The following ZNF526 variants were observed in gnomAD, a reference collection of about 807,000 sequenced individuals.
The protein encoded by ZNF526 is zinc finger protein 526.
A neutral mutation model predicts 32.4 loss-of-function variants in ZNF526; 16 were observed. That is an observed-to-expected ratio of 0.49 (90% CI 0.33 to 0.75). The LOEUF (loss-of-function observed/expected upper bound fraction) is 0.75. Ranked by LOEUF, ZNF526 falls within the 30% of genes least tolerant of loss-of-function variation. The probability of loss-of-function intolerance (pLI) is 0.02; values close to 1 mark genes in which losing one functional copy is unlikely to be tolerated. For missense variants in ZNF526, 838 were observed against 920.7 expected (o/e 0.91, Z 1.16); for synonymous variants, 355 against 363.4 (o/e 0.98, Z 0.26).
At chr19:42,221,313 G>A (rs2036120732) in intron 1 of ZNF526, among the ~76,000 whole-genome samples, 1 of 151,674 alleles carries the variant, frequency 6.6e-6, no homozygotes, top group African/African-American at 2.4e-5. Context: ...GGGCAACATA[G>A]GGAGACCTCT....
In ZNF526 at chr19:42,225,045, G is replaced by A; in HGVS notation, c.642G>A (p.Glu214=). 6.2e-7 allele frequency: 1 copy of A among 1,614,234 alleles called. No homozygotes were observed. The highest frequency in any genetic ancestry group is 8.5e-7 in the Non-Finnish European group (1 of 1,180,032). The change falls in exon 3 of 3, where the codon GAG becomes GAA. Residue 214 remains glutamate, a synonymous_variant. Coordinates refer to ENST00000301215, the MANE Select transcript of ZNF526 (RefSeq NM_133444.3). ...TLCATPEEFL[E]HQGTHFDSLE... is the part of the protein sequence containing the mutation. ...GCGCCACCCCTGAGGAGTTCTTGGA[G>A]CATCAGGGCACCCACTTTGACTCCC...
In ZNF526 at chr19:42,225,174, C is replaced by T. The variant is rs1347945883; in HGVS notation, c.771C>T (p.Val257=). Reference sequence around the variant, plus strand: ...AGGATGAGGAGGCCATGGCAGAGGTCGGTGATGATGCTGTGGGAGGTGACG... The same window carrying T: ...AGGATGAGGAGGCCATGGCAGAGGTTGGTGATGATGCTGTGGGAGGTGACG... ...EMEDEEAMAE[V]GDDAVGGDES... Residue 257 remains valine, a synonymous_variant, in exon 3 of 3, where the codon GTC becomes GTT. Coordinates refer to ENST00000301215, the MANE Select transcript of ZNF526 (RefSeq NM_133444.3). 2 of 1,614,038 alleles carry T rather than the reference C, an allele frequency of 1.2e-6. No homozygotes were observed. The highest frequency in any genetic ancestry group is 1.7e-5 in the Admixed American group (1 of 60,004).
rs1396762834 is a variant in ZNF526 at position 42,226,155 on chromosome 19, C to A, written c.1752C>A (p.Ala584=). ...GGACTTGTGGCCGCTGGTTCCGCGCCATGGCGGGCTTGCGACTGCATCAGC... is the reference window on the plus strand; with the variant it reads ...GGACTTGTGGCCGCTGGTTCCGCGCAATGGCGGGCTTGCGACTGCATCAGC... ...YCGTCGRWFR[A]MAGLRLHQRV... The change falls in exon 3 of 3, where the codon GCC becomes GCA. Residue 584 remains alanine (A), a synonymous_variant. Transcript: ENST00000301215. 2 of 1,607,410 alleles carry A rather than the reference C, an allele frequency of 1.2e-6. No individual in the cohort carries two copies. The highest frequency in any genetic ancestry group is 1.3e-5 in the African/African-American group (1 of 75,070).
chr19:42,224,193 G>C (rs1309015117), intron 1 of ZNF526, 22 bp from the exon 2 acceptor site: 1 of 584,746 alleles, frequency 1.7e-6, no homozygotes, highest in Non-Finnish European at 3.1e-6. Context: ...AGGCTGGGCT[G>C]AGTGGTGTTT....
At chr19:42,221,990 T>C (rs769978107) in intron 1 of ZNF526, among the ~76,000 whole-genome samples, 4 of 152,072 alleles carry the variant, frequency 2.6e-5, no homozygotes, top group African/African-American at 4.8e-5. Context: ...TCACTAAATA[T>C]GTACTGTGTG....
In ZNF526 at chr19:42,225,719, CT is replaced by C; in HGVS notation, c.1317del (p.Ala440ProfsTer45). On this transcript the variant is annotated frameshift_variant, in exon 3 of 3. Transcript: ENST00000301215. LOFTEE classifies it high-confidence loss of function. ...PTPPPPPPAP[P>X]AQLPCPQCSK... is the part of the protein sequence containing the mutation. ...CCTCCACCACCACCCCCTGCCCCAC[CT>C]GCCCAGCTGCCCTGCCCACAGTGCT... 6.2e-7 allele frequency: 1 copy of C among 1,612,570 alleles called. No homozygotes were observed. Among genetic ancestry groups the C allele is most frequent in the Non-Finnish European group, 8.5e-7 (1 of 1,179,654 alleles).
In ZNF526 at chr19:42,220,382, A is replaced by T. The variant is rs2036107978; in HGVS notation, c.-114A>T. On this transcript the variant is annotated 5_prime_UTR_variant, in exon 1 of 3. Transcript: ENST00000301215. Reference sequence around the variant, plus strand: ...CGGCAGGGGCTGCAGGAGATAAGAGAAACGGGTGAGGGCGCCGCGCGGGGC... The same window carrying T: ...CGGCAGGGGCTGCAGGAGATAAGAGTAACGGGTGAGGGCGCCGCGCGGGGC... The T allele has an allele frequency of 6.5e-6, 1 of 152,696 alleles. No homozygotes were observed. Among genetic ancestry groups the T allele is most frequent in the Admixed American group, 6.5e-5 (1 of 15,278 alleles). The allele number at this position is 152,696 out of a possible 1,614,324, so 9.5% of individuals were successfully genotyped here. A position where few individuals can be genotyped will look rare whatever the true frequency, so the allele number is the denominator to read the frequency against.
chr19:42,226,076 G>A lies in ZNF526; in HGVS notation c.1673G>A (p.Arg558His), dbSNP rs201992373. ...RLHLRPVAFA[R>H]APRLPITGLY... ...CACTTGCGGCCAGTCGCCTTTGCCC[G>A]CGCCCCCCGCCTCCCCATCACTGGT... The change falls in exon 3 of 3, where the codon CGC (arginine) becomes CAC (histidine). Residue 558 changes from arginine (R) to histidine (H), a missense_variant. Coordinates refer to ENST00000301215, the MANE Select transcript of ZNF526 (RefSeq NM_133444.3). 1.7e-5 allele frequency: 27 copies of A among 1,607,002 alleles called. No homozygotes were observed. The highest frequency in any genetic ancestry group is 1.4e-4 in the South Asian group (13 of 91,086).
chr19:42,225,561 A>G lies in ZNF526; in HGVS notation c.1158A>G (p.Pro386=), dbSNP rs1424047748. 6.2e-7 allele frequency: 1 copy of G among 1,609,590 alleles called. No individual in the cohort carries two copies. Among genetic ancestry groups the G allele is most frequent in the Non-Finnish European group, 8.5e-7 (1 of 1,176,522 alleles). The change falls in exon 3 of 3, where the codon CCA becomes CCG. Residue 386 remains proline, a synonymous_variant. Coordinates refer to ENST00000301215, the MANE Select transcript of ZNF526 (RefSeq NM_133444.3). The stretch of plus-strand genomic sequence containing the variant: ...ACCGGCGGGCCCACACTGCCAACCC[A>G]TTGCATCGCTGTCGTTGCGGCAAGA... ...VAHRRAHTAN[P]LHRCRCGKTF... is the part of the protein sequence containing the mutation.
At chr19:42,223,640 C>T in intron 1 of ZNF526, among the ~76,000 whole-genome samples, 1 of 150,744 alleles carries the variant, frequency 6.6e-6, no homozygotes, top group East Asian at 1.9e-4. Context: ...GCCTCCATCT[C>T]AACAATAACA....
intron 1 of ZNF526, among the ~76,000 whole-genome samples, chr19:42,222,609 T>C (rs1490009072): frequency 6.6e-6 from 1 of 152,088 alleles, no homozygotes; most frequent in Non-Finnish European, 1.5e-5. Flanking sequence ...AGATGGGGCA[T>C]ATAGAGGGAA....
Position 42,227,627 on chromosome 19 carries a change from G to C in ZNF526, c.*1211G>C, listed in dbSNP as rs113716392. The C allele has an allele frequency of 6.6e-6, 1 of 152,296 alleles. No homozygotes were observed. Among genetic ancestry groups the C allele is most frequent in the South Asian group, 2.1e-4 (1 of 4,820 alleles). The allele number at this position is 152,296 out of a possible 1,614,324, so 9.4% of individuals were successfully genotyped here. A position where few individuals can be genotyped will look rare whatever the true frequency, so the allele number is the denominator to read the frequency against. On this transcript the variant is annotated 3_prime_UTR_variant, in exon 3 of 3. Transcript: ENST00000301215. ...CAAAAAATTAGCCAGGAGTGGTGGC[G>C]GGCGCCTGTGGTGGCCAGCTACTCA...
In ZNF526 at chr19:42,225,935, C is replaced by T. The variant is rs17850994; in HGVS notation, c.1532C>T (p.Ser511Phe). The T allele has an allele frequency of 6.2e-7, 1 of 1,614,188 alleles. No individual in the cohort carries two copies. Residue 511 changes from serine (S) to phenylalanine (F), a missense_variant, in exon 3 of 3, where the codon TCT (serine) becomes TTT (phenylalanine). Ser to Phe is a radical substitution (Grantham distance 155). Transcript: ENST00000301215. ...QCHSCGKTFA[S>F]LANLSRHQLT... ...CACTCATGTGGCAAGACCTTTGCTT[C>T]TTTGGCCAACCTCAGCCGCCACCAG... is the stretch of plus-strand genomic sequence containing the variant.
In ZNF526 at chr19:42,225,684, G is replaced by A. The variant is rs200867196; in HGVS notation, c.1281G>A (p.Ala427=). 1.2e-5 allele frequency: 20 copies of A among 1,612,008 alleles called. No individual in the cohort carries two copies. Among genetic ancestry groups the A allele is most frequent in the Admixed American group, 1.0e-4 (6 of 59,866 alleles). Residue 427 remains alanine (A), a synonymous_variant, in exon 3 of 3, where the codon GCG becomes GCA. Coordinates refer to ENST00000301215, the MANE Select transcript of ZNF526 (RefSeq NM_133444.3). ...GAGCAACAGCTCCCCCAGCTCCAGC[G>A]GAGCCCACCCCTCCACCACCACCCC... ...PTGATAPPAP[A]EPTPPPPPPA...
rs2036190633 is a variant in ZNF526, at chr19:42,227,335, G to A, written c.*919G>A. The A allele has an allele frequency of 6.0e-6, 1 of 167,240 alleles. No homozygotes were observed. Among genetic ancestry groups the A allele is most frequent in the South Asian group, 2.1e-4 (1 of 4,836 alleles). The allele number at this position is 167,240 out of a possible 1,614,324, so 10.4% of individuals were successfully genotyped here. A position where few individuals can be genotyped will look rare whatever the true frequency, so the allele number is the denominator to read the frequency against. On this transcript the variant is annotated 3_prime_UTR_variant, in exon 3 of 3. Transcript: ENST00000301215. The stretch of plus-strand genomic sequence containing the variant: ...CACTGCAAGAGGGTGAGCTCTTGGT[G>A]TATTTGGAGACCATCCAGTTATTCA...
rs772947881 is a variant in ZNF526, at chr19:42,225,765, T to G, written c.1362T>G (p.Ala454=). ...AGTGCTCCAAGTCCTTTGCCTCAGC[T>G]TCCCGGCTGTCCCGGCACCGGCGTG... The part of the protein sequence containing the change: ...CPQCSKSFAS[A]SRLSRHRRAV... Residue 454 remains alanine, a synonymous_variant, in exon 3 of 3, where the codon GCT becomes GCG. Coordinates refer to ENST00000301215, the MANE Select transcript of ZNF526 (RefSeq NM_133444.3). 6 of 1,578,852 alleles carry G rather than the reference T, an allele frequency of 3.8e-6. No homozygotes were observed. Among genetic ancestry groups the G allele is most frequent in the Non-Finnish European group, 5.2e-6 (6 of 1,159,918 alleles).
Position 42,226,402 on chromosome 19 carries a change from A to G in ZNF526, c.1999A>G (p.Thr667Ala). The change falls in exon 3 of 3, where the codon ACG becomes GCG. Residue 667 changes from threonine (T) to alanine (A), a missense_variant. Physicochemically the swap from Thr to Ala is moderately conservative, Grantham distance 58. Coordinates refer to ENST00000301215, the MANE Select transcript of ZNF526 (RefSeq NM_133444.3). ...SEAGGLLQLD[T>A]AFV is the part of the protein sequence containing the mutation. ...AGCAGGCGGGCTCTTGCAGTTGGAC[A>G]CGGCCTTCGTGTGACGCAGCTGAAA... The G allele has an allele frequency of 6.2e-7, 1 of 1,614,216 alleles. No individual in the cohort carries two copies. Among genetic ancestry groups the G allele is most frequent in the Non-Finnish European group, 8.5e-7 (1 of 1,180,044 alleles).
chr19:42,224,694 G>T lies in ZNF526; in HGVS notation c.291G>T (p.Glu97Asp). 2 of 1,614,146 alleles carry T rather than the reference G, an allele frequency of 1.2e-6. No homozygotes were observed. Among genetic ancestry groups the T allele is most frequent in the South Asian group, 2.2e-5 (2 of 91,086 alleles). Residue 97 changes from glutamate to aspartate, a missense_variant, in exon 3 of 3, where the codon GAG becomes GAT. By Grantham distance (45) the Glu-to-Asp change is conservative. Coordinates refer to ENST00000301215, the MANE Select transcript of ZNF526 (RefSeq NM_133444.3). ...EALTTQNVGL[E>D]PELVPGAEGP... Reference sequence around the variant, plus strand: ...TGACCACACAGAATGTTGGCCTGGAGCCGGAGCTGGTGCCGGGTGCTGAGG... The same window carrying T: ...TGACCACACAGAATGTTGGCCTGGATCCGGAGCTGGTGCCGGGTGCTGAGG...
intron 1 of ZNF526, among the ~76,000 whole-genome samples, chr19:42,224,010 T>TA (rs1357311255): frequency 2.2e-5 from 3 of 136,754 alleles, no homozygotes; most frequent in Admixed American, 7.5e-5. Context: ...TATACAAAAA[T>TA]TAGCCAGGCA....
Sources: allele counts gnomAD v4.1 joint callset (sites outside exome capture counted in the v4.1 genomes callset), GRCh38; gene constraint gnomAD v4.1.1; transcripts MANE v1.5; gene names NCBI Gene and HGNC (gene_info 2026-07-23, HGNC 2026-07-21).